The following PTPRD variants were observed in gnomAD, a reference collection of about 807,000 sequenced individuals.
PTPRD encodes the protein receptor-type tyrosine-protein phosphatase delta.
In PTPRD, 34 loss-of-function variants were observed where a neutral mutation model predicts 214.5. The ratio of observed to expected loss-of-function variants is 0.16; its 90% CI spans 0.12 to 0.21. PTPRD has a LOEUF of 0.21. PTPRD is among the 10% of genes least tolerant of loss of function. The pLI is 1.00. For synonymous variants in PTPRD, 1,128 were observed against 845.7 expected (o/e 1.33, Z -5.79); for missense variants, 2,545 against 2,398.7 (o/e 1.06, Z -1.27).
At chr9:9,161,295 C>G (rs2099888143) in intron 10 of PTPRD, among the ~76,000 whole-genome samples, 1 of 151,892 alleles carries the variant, frequency 6.6e-6, no homozygotes, top group African/African-American at 2.4e-5. Context: ...ATATAGTGAC[C>G]TGTAGTGTAG....
chr9:8,472,504 G>C (rs2096673293), intron 30 of PTPRD, among the ~76,000 whole-genome samples: 1 of 152,168 alleles, frequency 6.6e-6, no homozygotes, highest in Admixed American at 6.5e-5. Context: ...TAAGAGTCTA[G>C]AGCAGAGCTG....
At chr9:9,972,861 A>G (rs2154051414) in intron 4 of PTPRD, among the ~76,000 whole-genome samples, 1 of 152,170 alleles carries the variant, frequency 6.6e-6, no homozygotes, top group Non-Finnish European at 1.5e-5. Flanking sequence ...GAGCCTTCTG[A>G]TTACATTTTG....
At chr9:8,393,357 T>C (rs1043872781) in intron 36 of PTPRD, among the ~76,000 whole-genome samples, 1 of 152,156 alleles carries the variant, frequency 6.6e-6, no homozygotes, top group Non-Finnish European at 1.5e-5. Flanking sequence ...ATTAGGTGAT[T>C]GCTTTTCATT....
chr9:9,446,295 T>A (rs535248638), intron 8 of PTPRD, among the ~76,000 whole-genome samples: 1 of 152,264 alleles, frequency 6.6e-6, no homozygotes, highest in African/African-American at 2.4e-5. Context: ...GTTGAGGATT[T>A]AATAGTGGCC....
intron 3 of PTPRD, among the ~76,000 whole-genome samples, chr9:10,202,681 T>C: frequency 7.0e-6 from 1 of 143,494 alleles, no homozygotes; most frequent in East Asian, 2.0e-4. Flanking sequence ...GATATATATA[T>C]ATATATATAT....
chr9:10,573,073 A>G (rs1479397402), intron 2 of PTPRD, among the ~76,000 whole-genome samples: 1 of 152,076 alleles, frequency 6.6e-6, no homozygotes, highest in Non-Finnish European at 1.5e-5. Context: ...GCAATTACCA[A>G]CAGAATTAGC....
intron 5 of PTPRD, among the ~76,000 whole-genome samples, chr9:9,843,404 G>C (rs890182095): frequency 6.6e-6 from 1 of 151,608 alleles, no homozygotes; most frequent in South Asian, 2.1e-4. Flanking sequence ...TCTCAAATTA[G>C]GCCTTTTCTT....
chr9:9,825,606 C>G (rs1449184971), intron 5 of PTPRD, among the ~76,000 whole-genome samples: 1 of 151,868 alleles, frequency 6.6e-6, no homozygotes, highest in Non-Finnish European at 1.5e-5. Context: ...TAAATGTTCA[C>G]CATTAACTAG....
At chr9:8,870,257 A>G (rs1257085705) in intron 11 of PTPRD, among the ~76,000 whole-genome samples, 1 of 152,132 alleles carries the variant, frequency 6.6e-6, no homozygotes, top group South Asian at 2.1e-4. Context: ...TGAAAAAAAG[A>G]CAGTCAAACA....
chr9:9,877,817 T>A (rs932264081), intron 5 of PTPRD, among the ~76,000 whole-genome samples: 3 of 151,510 alleles, frequency 2.0e-5, no homozygotes, highest in African/African-American at 4.9e-5. Flanking sequence ...CTACTGAAAA[T>A]ACAAAATTAG....
intron 11 of PTPRD, among the ~76,000 whole-genome samples, chr9:8,934,455 A>ATG: frequency 6.0e-5 from 1 of 16,798 alleles, no homozygotes; most frequent in Admixed American, 1.2e-3. Context: ...ATAAATTTAT[A>ATG]TATATATAAA....
At chr9:10,125,423 TTTATTATTATTATTATTATTA>T (rs71485319) in intron 3 of PTPRD, among the ~76,000 whole-genome samples, 18,580 of 133,460 alleles carry the variant, frequency 0.14, 1,296 homozygotes, top group South Asian at 0.29. Flanking sequence ...TTTGTTTTAT[TTTATTATTATTATTATTATTA>T]TTATTATTAT....
chr9:10,560,306 G>A (rs557843867), intron 2 of PTPRD, among the ~76,000 whole-genome samples: 1 of 149,548 alleles, frequency 6.7e-6, no homozygotes, highest in South Asian at 2.1e-4. Flanking sequence ...ACTATTGCAA[G>A]AACAAAAAAA....
At chr9:8,880,834 G>A (rs560842727) in intron 11 of PTPRD, among the ~76,000 whole-genome samples, 1 of 151,876 alleles carries the variant, frequency 6.6e-6, no homozygotes, top group Admixed American at 6.6e-5. Flanking sequence ...ATCCAGGCTG[G>A]AGTGCAGTGG....
At chr9:10,253,032 C>G (rs1294760353) in intron 3 of PTPRD, among the ~76,000 whole-genome samples, 1 of 152,160 alleles carries the variant, frequency 6.6e-6, no homozygotes, top group Non-Finnish European at 1.5e-5. Flanking sequence ...GATCCGTCTG[C>G]CTTGGCCTCC....
chr9:9,215,964 G>A (rs933634701), intron 9 of PTPRD, among the ~76,000 whole-genome samples: 1 of 152,104 alleles, frequency 6.6e-6, no homozygotes, highest in African/African-American at 2.4e-5. Context: ...ACCATTTTGT[G>A]ACACCTTCTC....
chr9:9,226,615 C>T (rs944421367), intron 9 of PTPRD, among the ~76,000 whole-genome samples: 2 of 151,918 alleles, frequency 1.3e-5, no homozygotes, highest in African/African-American at 4.8e-5. Flanking sequence ...TGTCTTTTAT[C>T]TACAGTGGAG....
intron 10 of PTPRD, among the ~76,000 whole-genome samples, chr9:9,023,568 G>T (rs2099576631): frequency 6.6e-6 from 1 of 151,872 alleles, no homozygotes; most frequent in South Asian, 2.1e-4. Context: ...TAGATACAAG[G>T]GGTCCATGTG....
chr9:8,788,556 T>G (rs1566067210), intron 11 of PTPRD, among the ~76,000 whole-genome samples: 1 of 152,122 alleles, frequency 6.6e-6, no homozygotes, highest in Non-Finnish European at 1.5e-5. Context: ...ATTACAGGCA[T>G]GAGCCACTGC....
Sources: allele counts gnomAD v4.1 joint callset (sites outside exome capture counted in the v4.1 genomes callset), GRCh38; gene constraint gnomAD v4.1.1; transcripts MANE v1.5; gene names NCBI Gene and HGNC (gene_info 2026-07-23, HGNC 2026-07-21).